PFKP: variants seen among roughly 807,000 people sequenced by gnomAD.
The protein encoded by PFKP is ATP-dependent 6-phosphofructokinase, platelet type.
PFKP carries 101 observed loss-of-function variants against 94.3 expected under a neutral mutation model. The observed-to-expected ratio is 1.07, with a 90% CI of 0.91 to 1.26. PFKP has a LOEUF of 1.26. Ranked by LOEUF, PFKP falls within the 50% of genes most tolerant of loss-of-function variation. PFKP has a pLI of 0.00. For missense variants in PFKP, 1,145 were observed against 1,103.3 expected (o/e 1.04, Z -0.53); for synonymous variants, 573 against 432.6 (o/e 1.32, Z -4.03).
At chr10:3,133,912 C>T (rs1200545994) in intron 19 of PFKP, among the ~76,000 whole-genome samples, 4 of 152,126 alleles carry the variant, frequency 2.6e-5, no homozygotes, top group South Asian at 2.1e-4. Context: ...TGGAGCTTCC[C>T]TAAGATTTAA....
chr10:3,074,451 A>G (rs1408773913), intron 1 of PFKP, among the ~76,000 whole-genome samples: 1 of 152,126 alleles, frequency 6.6e-6, no homozygotes, highest in African/African-American at 2.4e-5. Context: ...AGGGAAGCAG[A>G]CTGACTGTCT....
rs1379796815 is a variant in PFKP, at chr10:3,115,479, C to T, written c.1372-1297C>T. Among the ~76,000 whole-genome samples, 13 of 100,776 alleles carry T rather than the reference C, an allele frequency of 1.3e-4. 4 individuals are homozygous for T. The highest frequency in any genetic ancestry group is 4.6e-4 in the African/African-American group (11 of 24,028). 66.1% of individuals were successfully genotyped at this position (100,776 alleles called of 152,430 possible). ...AAGGTGTGTGTCCCGCCATGGAGGA[C>T]AGGACTGGGGATGCTGGGGTGAAGG... is the stretch of plus-strand genomic sequence containing the variant. On this transcript the variant is annotated intron_variant, in intron 13 of 21. Coordinates refer to ENST00000381125, the MANE Select transcript of PFKP (RefSeq NM_002627.5).
intron 1 of PFKP, among the ~76,000 whole-genome samples, chr10:3,078,958 G>T (rs1832808296): frequency 1.3e-5 from 2 of 152,204 alleles, no homozygotes; most frequent in Non-Finnish European, 2.9e-5. Flanking sequence ...CTCTTTAAAA[G>T]TGTGGTGCCC....
At chr10:3,116,743 C>CTT (rs759175349) in intron 13 of PFKP, 33 bp from the exon 14 acceptor site, 1 of 1,554,774 alleles carries the variant, frequency 6.4e-7, no homozygotes, top group Non-Finnish European at 8.9e-7. Flanking sequence ...TCATTGTTCA[C>CTT]TTTAGCTGTT....
intron 2 of PFKP, among the ~76,000 whole-genome samples, chr10:3,097,329 G>A (rs574621080): frequency 5.9e-5 from 9 of 152,002 alleles, no homozygotes; most frequent in Non-Finnish European, 1.0e-4. Flanking sequence ...TGCCTCCCAG[G>A]GTGCCCTGTG....
At chr10:3,117,167 G>A (rs544511547) in intron 14 of PFKP, among the ~76,000 whole-genome samples, 1 of 152,342 alleles carries the variant, frequency 6.6e-6, no homozygotes, top group South Asian at 2.1e-4. Context: ...GTGTCACGGA[G>A]CCGTGGAGAT....
intron 3 of PFKP, among the ~76,000 whole-genome samples, chr10:3,099,808 C>T (rs558176394): frequency 1.8e-4 from 27 of 151,466 alleles, no homozygotes; most frequent in Admixed American, 2.6e-4. Flanking sequence ...AAGATGTGAA[C>T]GGAGAGTTGA....
chr10:3,105,058 C>T (rs1211935657), intron 5 of PFKP, 57 bp from the exon 6 acceptor site: 1 of 1,524,298 alleles, frequency 6.6e-7, no homozygotes, highest in African/African-American at 1.4e-5. Context: ...AGTGGGTGCT[C>T]CCTCTGTTTC....
At chr10:3,083,283 T>C (rs926411268) in intron 2 of PFKP, among the ~76,000 whole-genome samples, 1 of 152,242 alleles carries the variant, frequency 6.6e-6, no homozygotes, top group Non-Finnish European at 1.5e-5. Context: ...AGTGACTCCC[T>C]GTCTGCCACT....
At chr10:3,077,278 T>TTTTTTTGTG (rs1832685829) in intron 1 of PFKP, among the ~76,000 whole-genome samples, 1 of 141,034 alleles carries the variant, frequency 7.1e-6, no homozygotes. Flanking sequence ...TTTTTTTTTT[T>TTTTTTTGTG]TTGAGATGGA....
chr10:3,074,272 G>C (rs1286948860), intron 1 of PFKP, among the ~76,000 whole-genome samples: 1 of 152,214 alleles, frequency 6.6e-6, no homozygotes, highest in Non-Finnish European at 1.5e-5. Context: ...CGGGTACGAC[G>C]TGCCTGTAGC....
At position 3,100,933 on chromosome 10, in the gene PFKP, G is replaced by T. The variant is rs781175933; in HGVS notation, c.265-432G>T. On this transcript the variant is annotated intron_variant, in intron 3 of 21. Transcript: ENST00000381125. ...GTTTTACTTGCAGGTGCTGTAAGGG[G>T]TGACTGGAGGGAGAAGCCTGGCTGC... The T allele has an allele frequency of 1.2e-5, 19 of 1,610,940 alleles. 1 individual carries two copies. Among genetic ancestry groups the T allele is most frequent in the Non-Finnish European group, 1.6e-5 (19 of 1,179,040 alleles).
chr10:3,091,751 A>G (rs756913198), intron 2 of PFKP, among the ~76,000 whole-genome samples: 9 of 152,170 alleles, frequency 5.9e-5, no homozygotes, highest in Non-Finnish European at 8.8e-5. Context: ...GCGCCACTGC[A>G]TTCCAGCCTG....
At chr10:3,134,367 A>T in intron 19 of PFKP, 116 bp from the exon 20 acceptor site, 1 of 702,092 alleles carries the variant, frequency 1.4e-6, no homozygotes, top group Non-Finnish European at 2.5e-6. Context: ...TTCTGTTCCA[A>T]CTATAAGGAC....
chr10:3,133,399 G>T (rs1838834039), intron 19 of PFKP, 85 bp downstream of exon 19: 3 of 876,722 alleles, frequency 3.4e-6, no homozygotes, highest in South Asian at 1.3e-5. Flanking sequence ...CCATTGTGGG[G>T]AAAAATGTAT....
rs747192804 is a variant in PFKP at position 3,116,860 on chromosome 10, C to G, written c.1442+14C>G. On this transcript the variant is annotated intron_variant, in intron 14 of 21. Coordinates refer to ENST00000381125, the MANE Select transcript of PFKP (RefSeq NM_002627.5). ...TGGGACAAAACGGTAACTTCCAAAT[C>G]TCAACTCTATGACCTGCTTTTAAGG... 8 of 1,579,378 alleles carry G rather than the reference C, an allele frequency of 5.1e-6. No individual in the cohort carries two copies. The highest frequency in any genetic ancestry group is 7.0e-6 in the Non-Finnish European group (8 of 1,148,490).
intron 2 of PFKP, among the ~76,000 whole-genome samples, chr10:3,087,989 T>TTC (rs35303123): frequency 0.33 from 45,054 of 137,750 alleles, 8,086 homozygotes; most frequent in East Asian, 0.65. Flanking sequence ...TCATTCTTTT[T>TTC]TTTTTTTTTT....
chr10:3,113,576 G>C lies in PFKP; in HGVS notation c.1371+58G>C, dbSNP rs184749438. ...CACCCTGGCTGTGAGCACAGTGGAC[G>C]TGGCGGCGGGGGGGTGCCCTCCATG... On this transcript the variant is annotated intron_variant, in intron 13 of 21. Transcript: ENST00000381125. The C allele has an allele frequency of 7.7e-4, 1,178 of 1,525,422 alleles. 8 individuals are homozygous for C. The East Asian group carries it at 0.019, about 24-fold the overall frequency. The allele number at this position is 1,525,422 out of a possible 1,614,324, so 94.5% of individuals were successfully genotyped here.
At chr10:3,109,329 C>T (rs377623675) in intron 9 of PFKP, 26 bp from the exon 10 acceptor site, 1 of 1,606,702 alleles carries the variant, frequency 6.2e-7, no homozygotes, top group South Asian at 1.1e-5. Flanking sequence ...GAGGCTGCCC[C>T]TGACCCACAT....
Sources: gnomAD v4.1 joint callset for allele counts (sites outside exome capture counted in the v4.1 genomes callset) on GRCh38, gnomAD v4.1.1 for gene constraint, MANE v1.5 for transcripts, NCBI Gene and HGNC (gene_info 2026-07-23, HGNC 2026-07-21) for gene names.